ADGRL3: variants seen among roughly 807,000 people sequenced by gnomAD.
ADGRL3 encodes the protein adhesion G protein-coupled receptor L3.
A neutral mutation model predicts 153.5 loss-of-function variants in ADGRL3; 62 were observed. That is an observed-to-expected ratio of 0.40 (90% CI 0.33 to 0.50). ADGRL3 has a LOEUF of 0.50. ADGRL3 is among the 20% of genes least tolerant of loss of function. ADGRL3 has a pLI of 0.47. For synonymous variants in ADGRL3, 710 were observed against 672.5 expected (o/e 1.06, Z -0.86); for missense variants, 1,641 against 1,859.4 (o/e 0.88, Z 2.16).
chr4:61,933,955 G>A (rs2098828132), intron 13 of ADGRL3: 1 of 152,180 alleles, frequency 6.6e-6, no homozygotes, highest in African/African-American at 2.4e-5. Flanking sequence ...CTTTCAAGCT[G>A]CAGGTATTGT....
At position 61,777,956 on chromosome 4, in the gene ADGRL3, A is replaced by G. The variant is rs141411350; in HGVS notation, c.1400-35853A>G. On this transcript the variant is annotated intron_variant, in intron 8 of 26. Coordinates refer to ENST00000683033, the MANE Select transcript of ADGRL3 (RefSeq NM_001387552.1). ...CTCCAGAGACTTAAGAAAGAGTTCT[A>G]GTGTCATGTCAGATTGAGCATCTCT... Among the ~76,000 whole-genome samples, 1,116 of 152,272 alleles carry G rather than the reference A, an allele frequency of 7.3e-3. 4 individuals are homozygous for G. The highest frequency in any genetic ancestry group is 0.012 in the Non-Finnish European group (825 of 68,000).
At chr4:61,239,886 TAAGTTC>T (rs1460787431) in intron 1 of ADGRL3, among the ~76,000 whole-genome samples, 8 of 152,142 alleles carry the variant, frequency 5.3e-5, no homozygotes, top group African/African-American at 1.9e-4. Flanking sequence ...CTATGATGTT[TAAGTTC>T]ATCAACCTAA....
intron 13 of ADGRL3, among the ~76,000 whole-genome samples, chr4:61,913,572 G>C (rs940443275): frequency 1.3e-5 from 2 of 152,176 alleles, no homozygotes; most frequent in Non-Finnish European, 2.9e-5. Flanking sequence ...GAGATTGGCA[G>C]TTTAAAAACA....
intron 8 of ADGRL3, chr4:61,775,403 TG>T: frequency 5.4e-6 from 1 of 185,654 alleles, no homozygotes; most frequent in Non-Finnish European, 9.8e-6. Context: ...TTTCTTTCTT[TG>T]TGTGTGTGTG....
rs372188285 is a variant in ADGRL3, at chr4:61,882,503, G to A, written c.1481-10153G>A. ...ACTCAAGTGATCCTATTAAGTGAAA[G>A]TTGTATGACATCATTTCTTTGCTGA... On this transcript the variant is annotated intron_variant, in intron 9 of 26. Transcript: ENST00000683033. Among the ~76,000 whole-genome samples, 10 of 152,278 alleles carry A rather than the reference G, an allele frequency of 6.6e-5. No individual in the cohort carries two copies. The East Asian group carries it at 1.9e-3, about 29-fold the overall frequency.
intron 2 of ADGRL3, among the ~76,000 whole-genome samples, chr4:61,385,973 T>A (rs2096731512): frequency 6.6e-6 from 1 of 152,174 alleles, no homozygotes; most frequent in Non-Finnish European, 1.5e-5. Context: ...AGAGGTTAGC[T>A]CTGTGAGTGC....
chr4:61,642,420 G>C (rs370348291), intron 5 of ADGRL3, among the ~76,000 whole-genome samples: 2 of 152,140 alleles, frequency 1.3e-5, no homozygotes, highest in South Asian at 2.1e-4. Context: ...TATGGTTTTA[G>C]GTCCAAGGTT....
chr4:61,329,185 T>C (rs2095523094), intron 1 of ADGRL3, among the ~76,000 whole-genome samples: 1 of 152,174 alleles, frequency 6.6e-6, no homozygotes, highest in African/African-American at 2.4e-5. Flanking sequence ...TAAGTAAAAA[T>C]ACTCCTCTAC....
At chr4:61,311,012 G>A (rs1048372762) in intron 1 of ADGRL3, among the ~76,000 whole-genome samples, 1 of 151,400 alleles carries the variant, frequency 6.6e-6, no homozygotes, top group East Asian at 1.9e-4. Context: ...CTTAGGCAAG[G>A]ACATATTACT....
chr4:61,485,024 A>G (rs192685839), intron 2 of ADGRL3, among the ~76,000 whole-genome samples: 58 of 152,346 alleles, frequency 3.8e-4, no homozygotes, highest in Admixed American at 7.8e-4. Context: ...CTAAAGTTAC[A>G]GCAGAAATAT....
At chr4:61,218,611 C>G (rs1286632622) in intron 1 of ADGRL3, among the ~76,000 whole-genome samples, 2 of 152,190 alleles carry the variant, frequency 1.3e-5, no homozygotes, top group East Asian at 3.9e-4. Context: ...GCATAAGCCA[C>G]TAGTGTGCCC....
At chr4:61,993,936 A>T (rs1581787541) in intron 19 of ADGRL3, among the ~76,000 whole-genome samples, 1 of 152,300 alleles carries the variant, frequency 6.6e-6, no homozygotes, top group East Asian at 1.9e-4. Context: ...ATCCAAAAAA[A>T]CCAATGGTGT....
intron 5 of ADGRL3, among the ~76,000 whole-genome samples, chr4:61,658,031 G>A (rs1215858867): frequency 1.3e-5 from 2 of 152,118 alleles, no homozygotes; most frequent in African/African-American, 4.8e-5. Flanking sequence ...CAACCAGTAA[G>A]TCATTTGTCA....
intron 5 of ADGRL3, among the ~76,000 whole-genome samples, chr4:61,603,594 G>A (rs555476539): frequency 6.6e-6 from 1 of 152,232 alleles, no homozygotes; most frequent in South Asian, 2.1e-4. Flanking sequence ...GCTCTTTTAT[G>A]TACGGTCAAA....
At position 61,475,824 on chromosome 4, in the gene ADGRL3, C is replaced by T. The variant is rs576722849; in HGVS notation, c.-173-21297C>T. On this transcript the variant is annotated intron_variant, in intron 2 of 26. Coordinates refer to ENST00000683033, the MANE Select transcript of ADGRL3 (RefSeq NM_001387552.1). Reference sequence around the variant, plus strand: ...TGCATTTAGTGCTGAAACCTGTAGACGTTCTCTTATTCACTGTTAAGCGTA... The same window carrying T: ...TGCATTTAGTGCTGAAACCTGTAGATGTTCTCTTATTCACTGTTAAGCGTA... Among the ~76,000 whole-genome samples, 21 of 152,238 alleles carry T rather than the reference C, an allele frequency of 1.4e-4. No individual in the cohort carries two copies. The South Asian group carries it at 3.7e-3, about 27-fold the overall frequency.
chr4:61,726,210 G>GTTTTTTTTTTTTTTTTTCTTTTT (rs149472429), intron 6 of ADGRL3, among the ~76,000 whole-genome samples: 1 of 118,480 alleles, frequency 8.4e-6, no homozygotes, highest in Non-Finnish European at 1.7e-5. Flanking sequence ...TTTTTTTTTT[G>GTTTTTTTTTTTTTTTTTCTTTTT]TTTTTTGAGA....
At position 61,530,156 on chromosome 4, in the gene ADGRL3, G is replaced by T. The variant is rs1331589414; in HGVS notation, c.259+12638G>T. Among the ~76,000 whole-genome samples the T allele has an allele frequency of 2.0e-5, 3 of 152,056 alleles. No homozygotes were observed. In the South Asian group the frequency reaches 6.2e-4, roughly 31 times the overall value. On this transcript the variant is annotated intron_variant, in intron 4 of 26. Coordinates refer to ENST00000683033, the MANE Select transcript of ADGRL3 (RefSeq NM_001387552.1). Reference sequence around the variant, plus strand: ...AAATAGAATATTTAGCCACAGATTTGGACATTATCTACAGAGAGAAAATTG... The same window carrying T: ...AAATAGAATATTTAGCCACAGATTTTGACATTATCTACAGAGAGAAAATTG...
At chr4:61,708,763 TCTC>T (rs1440144460) in intron 6 of ADGRL3, among the ~76,000 whole-genome samples, 2 of 151,992 alleles carry the variant, frequency 1.3e-5, no homozygotes, top group Admixed American at 6.6e-5. Context: ...AGTTGAAAGG[TCTC>T]CTGTTCCATT....
rs373931570 is a variant in ADGRL3, at chr4:61,545,018, A to C, written c.259+27500A>C. Among the ~76,000 whole-genome samples the C allele has an allele frequency of 1.6e-4, 25 of 152,346 alleles. 1 individual carries two copies. Among genetic ancestry groups the C allele is most frequent in the African/African-American group, 6.0e-4 (25 of 41,582 alleles). On this transcript the variant is annotated intron_variant, in intron 4 of 26. Coordinates refer to ENST00000683033, the MANE Select transcript of ADGRL3 (RefSeq NM_001387552.1). ...TGGATTTTGACTGGAAGTTTGTTCA[A>C]CTTAGATTGATTTGTGGTAAGTTGA...
Sources: gnomAD v4.1 joint callset for allele counts (sites outside exome capture counted in the v4.1 genomes callset) on GRCh38, gnomAD v4.1.1 for gene constraint, MANE v1.5 for transcripts, NCBI Gene and HGNC (gene_info 2026-07-23, HGNC 2026-07-21) for gene names.